The following HOMER1 variants were observed in gnomAD, a reference collection of about 807,000 sequenced individuals.
HOMER1 encodes homer scaffold protein 1, also known as homer protein homolog 1.
A neutral mutation model predicts 48.9 loss-of-function variants in HOMER1; 3 were observed. The ratio of observed to expected loss-of-function variants is 0.06; its 90% confidence interval spans 0.03 to 0.16. The LOEUF (loss-of-function observed/expected upper bound fraction) is 0.16, where lower values mean the gene tolerates loss of function less well. Ranked by LOEUF, HOMER1 falls within the 10% of genes least tolerant of loss-of-function variation. The probability of loss-of-function intolerance (pLI) is 1.00; values close to 1 mark genes in which losing one functional copy is unlikely to be tolerated. For missense variants in HOMER1, 247 were observed against 411.4 expected (o/e 0.60, Z 3.46); for synonymous variants, 134 against 146.4 (o/e 0.92, Z 0.61).
intron 5 of HOMER1, among the ~76,000 whole-genome samples, chr5:79,413,867 CAG>C (rs1193728104): frequency 1.3e-5 from 2 of 152,000 alleles, no homozygotes; most frequent in Admixed American, 6.5e-5. Flanking sequence ...GAAATGAAAA[CAG>C]AGTAATCTTG....
chr5:79,435,956 C>T (rs1750569044), intron 5 of HOMER1, among the ~76,000 whole-genome samples: 4 of 149,062 alleles, frequency 2.7e-5, no homozygotes, highest in Admixed American at 2.7e-4. Flanking sequence ...GAAACCCCGT[C>T]TCTACTAAAA....
chr5:79,500,040 T>C (rs1469418742), intron 1 of HOMER1, among the ~76,000 whole-genome samples: 1 of 152,228 alleles, frequency 6.6e-6, no homozygotes, highest in African/African-American at 2.4e-5. Context: ...TGATATGTGC[T>C]GCAGATTGAG....
chr5:79,485,125 A>G (rs551238377), intron 1 of HOMER1, among the ~76,000 whole-genome samples: 2 of 149,838 alleles, frequency 1.3e-5, no homozygotes, highest in East Asian at 4.0e-4. Flanking sequence ...AAACACTAGT[A>G]CTGAGTGAAG....
At position 79,456,935 on chromosome 5, in the gene HOMER1, T is replaced by C. The variant is rs1029918608; in HGVS notation, c.89A>G (p.His30Arg). The C allele has an allele frequency of 1.9e-6, 3 of 1,613,760 alleles. No homozygotes were observed. The highest frequency in any genetic ancestry group is 1.7e-5 in the Admixed American group (1 of 59,996). The change falls in exon 2 of 9, where the codon CAT becomes CGT. Residue 30 changes from histidine to arginine, a missense_variant. Physicochemically the swap from His to Arg is conservative, Grantham distance 29 (BLOSUM62 0). Transcript: ENST00000334082. ...TKKNWVPTSK[H>R]AVTVSYFYDS... is the part of the protein sequence containing the mutation. ...ATAGAAATAAGACACAGTAACTGCA[T>C]GCTTGCTGGTGGGTACCCAGTTCTT...
chr5:79,493,066 GCAC>G (rs1435619361), intron 1 of HOMER1, among the ~76,000 whole-genome samples: 1 of 151,838 alleles, frequency 6.6e-6, no homozygotes, highest in African/African-American at 2.4e-5. Context: ...CTACAGGCAT[GCAC>G]CACCACACCT....
At chr5:79,412,679 T>C (rs948850615) in intron 5 of HOMER1, among the ~76,000 whole-genome samples, 4 of 152,142 alleles carry the variant, frequency 2.6e-5, no homozygotes, top group African/African-American at 9.7e-5. Flanking sequence ...ATCAACATTC[T>C]CCATAGGATA....
chr5:79,372,678 A>G lies in HOMER1; in HGVS notation c.*3331T>C, dbSNP rs1055550579. The G allele has an allele frequency of 6.6e-6, 1 of 152,200 alleles. No homozygotes were observed. Among genetic ancestry groups the G allele is most frequent in the African/African-American group, 2.4e-5 (1 of 41,456 alleles). The allele number at this position is 152,200 out of a possible 1,614,324, so 9.4% of individuals were successfully genotyped here. A position where few individuals can be genotyped will look rare whatever the true frequency, so the allele number is the denominator to read the frequency against. On this transcript the variant is annotated 3_prime_UTR_variant, in exon 9 of 9. Coordinates refer to ENST00000334082, the MANE Select transcript of HOMER1 (RefSeq NM_004272.5). Reference sequence around the variant, plus strand: ...CAACAATAAGAATCCACTGCCATCAAACAAACTTTCCCCGACCTGCCTCCC... The same window carrying G: ...CAACAATAAGAATCCACTGCCATCAGACAAACTTTCCCCGACCTGCCTCCC...
intron 1 of HOMER1, among the ~76,000 whole-genome samples, chr5:79,502,910 C>T (rs541919173): frequency 1.1e-3 from 167 of 152,282 alleles, no homozygotes; most frequent in African/African-American, 4.0e-3. Context: ...CCTGCCTCAG[C>T]CTCCCGAGTA....
chr5:79,423,237 T>C (rs1306916824), intron 5 of HOMER1, among the ~76,000 whole-genome samples: 2 of 152,306 alleles, frequency 1.3e-5, no homozygotes, highest in East Asian at 1.9e-4. Flanking sequence ...AGTTGCATTC[T>C]GGTTTCTTTT....
At chr5:79,404,864 AT>A (rs71615534) in intron 5 of HOMER1, among the ~76,000 whole-genome samples, 5,167 of 141,330 alleles carry the variant, frequency 0.037, 185 homozygotes, top group East Asian at 0.12. Flanking sequence ...ACGCCCAGCT[AT>A]TTTTTTTTTT....
intron 5 of HOMER1, among the ~76,000 whole-genome samples, chr5:79,432,163 A>C (rs1390866176): frequency 6.6e-6 from 1 of 152,234 alleles, no homozygotes; most frequent in Admixed American, 6.5e-5. Context: ...TTTGGGTAAG[A>C]GGAAAGATGG....
chr5:79,498,177 G>C (rs766440552), intron 1 of HOMER1, among the ~76,000 whole-genome samples: 4 of 152,148 alleles, frequency 2.6e-5, no homozygotes, highest in Admixed American at 2.6e-4. Flanking sequence ...GAGGAGGGCG[G>C]ATCACCTGAG....
chr5:79,461,564 G>A (rs536840565), intron 1 of HOMER1, among the ~76,000 whole-genome samples: 26 of 152,262 alleles, frequency 1.7e-4, no homozygotes, highest in African/African-American at 6.0e-4. Context: ...AAGTTCTGCG[G>A]TAAAGAAACC....
rs578229145 is a variant in HOMER1, at chr5:79,485,951, T to C, written c.5+26819A>G. On this transcript the variant is annotated intron_variant, in intron 1 of 8. Transcript: ENST00000334082. ...TTTGTGACTGCCTGAACCAAAATAA[T>C]GAGGCAAAAGTAACACTGTGTACTT... Among the ~76,000 whole-genome samples, 7 of 152,214 alleles carry C rather than the reference T, an allele frequency of 4.6e-5. No homozygotes were observed. In the South Asian group the frequency reaches 1.4e-3, roughly 32 times the overall value.
intron 1 of HOMER1, among the ~76,000 whole-genome samples, chr5:79,467,452 C>T (rs1232749649): frequency 6.8e-6 from 1 of 146,892 alleles, no homozygotes; most frequent in East Asian, 2.0e-4. Flanking sequence ...GTGCTAATAT[C>T]ACCTTCAACG....
chr5:79,435,664 T>C (rs1317320069), intron 5 of HOMER1, among the ~76,000 whole-genome samples: 13 of 150,590 alleles, frequency 8.6e-5, no homozygotes, highest in Non-Finnish European at 1.5e-4. Context: ...ACCCCGTCTC[T>C]ACTAAAAATA....
chr5:79,491,075 C>CAAAAAAAAAAAAAAAAAAA (rs10527802), intron 1 of HOMER1, among the ~76,000 whole-genome samples: 2 of 37,250 alleles, frequency 5.4e-5, no homozygotes, highest in Non-Finnish European at 7.9e-5. Context: ...AGTACCAAAG[C>CAAAAAAAAAAAAAAAAAAA]AAAAAAAAAA....
chr5:79,426,387 G>A (rs1231895814), intron 5 of HOMER1, among the ~76,000 whole-genome samples: 8 of 151,962 alleles, frequency 5.3e-5, no homozygotes, highest in African/African-American at 1.9e-4. Flanking sequence ...CCAATGAATG[G>A]ATATCTACAA....
chr5:79,400,731 A>AC (rs1749512568), intron 6 of HOMER1, among the ~76,000 whole-genome samples: 1 of 137,680 alleles, frequency 7.3e-6, no homozygotes, highest in Non-Finnish European at 1.5e-5. Flanking sequence ...TTAAAAAAAA[A>AC]AAAACTTCTT....
Sources: allele counts gnomAD v4.1 joint callset (sites outside exome capture counted in the v4.1 genomes callset), GRCh38; gene constraint gnomAD v4.1.1; transcripts MANE v1.5; gene names NCBI Gene and HGNC (gene_info 2026-07-23, HGNC 2026-07-21).